MAST4: variants seen among roughly 807,000 people sequenced by gnomAD.
MAST4 encodes microtubule associated serine/threonine kinase family member 4.
In MAST4, 89 loss-of-function variants were observed where a neutral mutation model predicts 162.7. The observed-to-expected ratio is 0.55, with a 90% CI of 0.46 to 0.65. The LOEUF (loss-of-function observed/expected upper bound fraction) is 0.65, where lower values mean the gene tolerates loss of function less well. Ranked by LOEUF, MAST4 falls within the 30% of genes least tolerant of loss-of-function variation. The pLI, the probability that MAST4 is intolerant of heterozygous loss-of-function variation, is 0.00. For synonymous variants in MAST4, 1,479 were observed against 1,361.1 expected (o/e 1.09, Z -1.91); for missense variants, 3,153 against 3,374.0 (o/e 0.93, Z 1.62).
At chr5:66,682,592 T>C (rs558511023) in intron 1 of MAST4, among the ~76,000 whole-genome samples, 1 of 152,296 alleles carries the variant, frequency 6.6e-6, no homozygotes, top group Admixed American at 6.5e-5. Context: ...AGATAATGCA[T>C]AAAAGCATCT....
intron 1 of MAST4, among the ~76,000 whole-genome samples, chr5:66,633,842 A>G (rs1285963273): frequency 1.3e-5 from 2 of 152,100 alleles, no homozygotes; most frequent in East Asian, 1.9e-4. Context: ...CTGAAAACAT[A>G]GTTTTAGACT....
At position 67,155,638 on chromosome 5, in the gene MAST4, A is replaced by AT. The variant is rs1360234356; in HGVS notation, c.3648+2059dup. 2.0e-5 allele frequency among the ~76,000 whole-genome samples: 3 copies of AT among 152,304 alleles called. No individual in the cohort carries two copies. In the East Asian group the frequency reaches 5.8e-4, roughly 29 times the overall value. ...CCTCTGCTTCAGAAATTTCCTTTCC[A>AT]TGGACACTGGGGAGCTTCAGTGTAC... On this transcript the variant is annotated intron_variant, in intron 26 of 28. Coordinates refer to ENST00000403625, the MANE Select transcript of MAST4 (RefSeq NM_001164664.2).
intron 4 of MAST4, among the ~76,000 whole-genome samples, chr5:67,036,877 A>G (rs1756085264): frequency 6.6e-6 from 1 of 152,150 alleles, no homozygotes; most frequent in South Asian, 2.1e-4. Context: ...GAGTAATCCC[A>G]TCTTGTGGTG....
intron 1 of MAST4, among the ~76,000 whole-genome samples, chr5:66,754,797 G>A (rs145675447): frequency 9.7e-4 from 148 of 152,304 alleles, no homozygotes; most frequent in African/African-American, 3.4e-3. Context: ...AGGAATAAAG[G>A]TTGAGCGTGC....
At chr5:66,674,300 A>G (rs187575808) in intron 1 of MAST4, among the ~76,000 whole-genome samples, 1 of 152,336 alleles carries the variant, frequency 6.6e-6, no homozygotes, top group South Asian at 2.1e-4. Context: ...TCTTTTAAAT[A>G]TATCCAGAGG....
intron 7 of MAST4, among the ~76,000 whole-genome samples, 175 bp downstream of exon 7, chr5:67,095,850 C>T (rs983857663): frequency 6.6e-6 from 1 of 152,154 alleles, no homozygotes; most frequent in Non-Finnish European, 1.5e-5. Flanking sequence ...AAAGGACATA[C>T]TTTCGCTGCA....
intron 1 of MAST4, among the ~76,000 whole-genome samples, chr5:66,604,755 A>G (rs1742770567): frequency 6.6e-6 from 1 of 152,172 alleles, no homozygotes; most frequent in Non-Finnish European, 1.5e-5. Context: ...ATAATCTCAG[A>G]CTTCCTTCTT....
intron 1 of MAST4, among the ~76,000 whole-genome samples, chr5:66,685,532 GATAAA>G (rs1371943044): frequency 6.6e-6 from 1 of 151,700 alleles, no homozygotes; most frequent in Non-Finnish European, 1.5e-5. Flanking sequence ...AGAAATCATT[GATAAA>G]ATAAGGAAAG....
intron 2 of MAST4, among the ~76,000 whole-genome samples, chr5:66,780,681 G>A (rs369405840): frequency 1.4e-4 from 21 of 152,302 alleles, no homozygotes; most frequent in East Asian, 7.7e-4. Flanking sequence ...TGGCCCTGCC[G>A]ATGTCCTGCT....
At chr5:66,933,543 CTG>C (rs1290683454) in intron 4 of MAST4, among the ~76,000 whole-genome samples, 5 of 152,162 alleles carry the variant, frequency 3.3e-5, no homozygotes, top group African/African-American at 1.2e-4. Context: ...TTTCTGAACT[CTG>C]TGAATTCCCT....
At chr5:66,700,349 T>G (rs1378848915) in intron 1 of MAST4, among the ~76,000 whole-genome samples, 1 of 152,212 alleles carries the variant, frequency 6.6e-6, no homozygotes, top group African/African-American at 2.4e-5. Context: ...TCTTTTTTTT[T>G]GTATTCAAAT....
chr5:67,043,067 T>A (rs1029188474), intron 4 of MAST4, among the ~76,000 whole-genome samples: 5 of 152,210 alleles, frequency 3.3e-5, no homozygotes, highest in Non-Finnish European at 7.3e-5. Context: ...AAAGGAGATT[T>A]GGTGGTCACG....
intron 4 of MAST4, among the ~76,000 whole-genome samples, chr5:66,998,008 C>CT (rs1048409017): frequency 1.3e-5 from 2 of 152,184 alleles, no homozygotes; most frequent in African/African-American, 2.4e-5. Context: ...CTGTTTGGTA[C>CT]TTTGATGAAA....
Position 66,696,488 on chromosome 5 carries a change from C to T in MAST4, c.364-63221C>T, listed in dbSNP as rs182190070. On this transcript the variant is annotated intron_variant, in intron 1 of 28. Coordinates refer to ENST00000403625, the MANE Select transcript of MAST4 (RefSeq NM_001164664.2). Reference sequence around the variant, plus strand: ...TCATTCCTTCCTCCCTCACCTTTCACCCCTTTTCCTGAATACTTCTGTCAT... The same window carrying T: ...TCATTCCTTCCTCCCTCACCTTTCATCCCTTTTCCTGAATACTTCTGTCAT... Among the ~76,000 whole-genome samples, 6 of 152,276 alleles carry T rather than the reference C, an allele frequency of 3.9e-5. No individual in the cohort carries two copies. In the East Asian group the frequency reaches 7.7e-4, roughly 20 times the overall value.
rs142836457 is a variant in MAST4 at position 66,858,983 on chromosome 5, A to G, written c.643-40968A>G. On this transcript the variant is annotated intron_variant, in intron 3 of 28. Transcript: ENST00000403625. Reference sequence around the variant, plus strand: ...GTTATTACTAGTATATATAAATACTATTTATTTTTGTATATTGATCTTGTA... The same window carrying G: ...GTTATTACTAGTATATATAAATACTGTTTATTTTTGTATATTGATCTTGTA... Among the ~76,000 whole-genome samples, 323 of 152,168 alleles carry G rather than the reference A, an allele frequency of 2.1e-3. 1 individual carries two copies. Among genetic ancestry groups the G allele is most frequent in the African/African-American group, 7.6e-3 (315 of 41,558 alleles).
intron 1 of MAST4, among the ~76,000 whole-genome samples, chr5:66,673,653 C>T (rs555058037): frequency 6.6e-6 from 1 of 151,684 alleles, no homozygotes; most frequent in African/African-American, 2.4e-5. Flanking sequence ...TGCTGCCACA[C>T]CCTGCTAATT....
intron 1 of MAST4, among the ~76,000 whole-genome samples, chr5:66,724,215 A>G (rs1338295666): frequency 1.3e-5 from 2 of 152,166 alleles, no homozygotes; most frequent in Non-Finnish European, 2.9e-5. Flanking sequence ...TACAACAGTT[A>G]CAACAACATT....
chr5:66,636,364 C>T (rs1745122837), intron 1 of MAST4, among the ~76,000 whole-genome samples: 1 of 152,130 alleles, frequency 6.6e-6, no homozygotes, highest in Non-Finnish European at 1.5e-5. Flanking sequence ...ACAAGTATTT[C>T]CCTCACTTAC....
At chr5:66,631,641 A>T (rs1744803264) in intron 1 of MAST4, among the ~76,000 whole-genome samples, 2 of 152,128 alleles carry the variant, frequency 1.3e-5, no homozygotes, top group South Asian at 4.1e-4. Context: ...TTGGACGTAA[A>T]GCTCTTGGTG....
Sources: gnomAD v4.1 joint callset for allele counts (sites outside exome capture counted in the v4.1 genomes callset) on GRCh38, gnomAD v4.1.1 for gene constraint, MANE v1.5 for transcripts, NCBI Gene and HGNC (gene_info 2026-07-23, HGNC 2026-07-21) for gene names.